The following TRMT13 variants were observed in gnomAD, a reference collection of about 807,000 sequenced individuals.
TRMT13 encodes the protein tRNA methyltransferase 13.
Under a neutral mutation model 55.9 loss-of-function variants are expected in TRMT13, and 45 were observed. The ratio of observed to expected loss-of-function variants is 0.80; its 90% CI spans 0.63 to 1.03. The LOEUF (loss-of-function observed/expected upper bound fraction) is 1.03, where lower values mean the gene tolerates loss of function less well. TRMT13 is among the 50% of genes least tolerant of loss of function. TRMT13 has a pLI of 0.00. For missense variants in TRMT13, 513 were observed against 563.9 expected (o/e 0.91, Z 0.91); for synonymous variants, 183 against 196.3 (o/e 0.93, Z 0.57).
rs760089360 is a variant in TRMT13 at position 100,140,402 on chromosome 1, G to T, written c.395-6G>T. ...GCTTAAGCTGTTGTGCTTATATTTGGCACAGGCTTGAATTCTACACTTAAA... is the reference window on the plus strand; with the variant it reads ...GCTTAAGCTGTTGTGCTTATATTTGTCACAGGCTTGAATTCTACACTTAAA... On this transcript the variant is annotated splice_polypyrimidine_tract_variant and splice_region_variant and intron_variant, in intron 5 of 10. Coordinates refer to ENST00000370141, the MANE Select transcript of TRMT13 (RefSeq NM_019083.3). 3 of 1,610,402 alleles carry T rather than the reference G, an allele frequency of 1.9e-6. No homozygotes were observed. The highest frequency in any genetic ancestry group is 3.3e-5 in the Admixed American group (2 of 59,812).
At position 100,148,212 on chromosome 1, in the gene TRMT13, CT is replaced by C. The variant is rs1192245998; in HGVS notation, c.1139del (p.Leu380TrpfsTer48). On this transcript the variant is annotated frameshift_variant, in exon 10 of 11. Transcript: ENST00000370141. LOFTEE classifies it high-confidence loss of function. ...GCAACTTGTGGGATGCGGAAAACAT[CT>C]TTGGAAACCTCAAATAGTACCACAA... ...SWATCGMRKT[S>X]LETSNSTTKR... is the part of the protein sequence containing the mutation. 2 of 1,613,994 alleles carry C rather than the reference CT, an allele frequency of 1.2e-6. No homozygotes were observed. Among genetic ancestry groups the C allele is most frequent in the African/African-American group, 1.3e-5 (1 of 74,890 alleles).
At chr1:100,147,317 G>A (rs532106950) in intron 9 of TRMT13, among the ~76,000 whole-genome samples, 6 of 152,320 alleles carry the variant, frequency 3.9e-5, no homozygotes, top group Non-Finnish European at 7.4e-5. Context: ...TTCAGTAAAT[G>A]TTTGTTAAAT....
In TRMT13 at chr1:100,149,998, G is replaced by C. The variant is rs1176309021; in HGVS notation, c.*1178G>C. On this transcript the variant is annotated 3_prime_UTR_variant, in exon 11 of 11. Coordinates refer to ENST00000370141, the MANE Select transcript of TRMT13 (RefSeq NM_019083.3). ...TCATATATCTTGTCAGACTGTCTCGGTTCAAATTCCAAACCTACCATCTTC... is the reference window on the plus strand; with the variant it reads ...TCATATATCTTGTCAGACTGTCTCGCTTCAAATTCCAAACCTACCATCTTC... 1 of 152,170 alleles carries C rather than the reference G, an allele frequency of 6.6e-6. No individual in the cohort carries two copies. The highest frequency in any genetic ancestry group is 6.5e-5 in the Admixed American group (1 of 15,272). The allele number at this position is 152,170 out of a possible 1,614,324, so 9.4% of individuals were successfully genotyped here. A position where few individuals can be genotyped will look rare whatever the true frequency, so the allele number is the denominator to read the frequency against.
intron 3 of TRMT13, 99 bp from the exon 4 acceptor site, chr1:100,139,550 G>T (rs1342829115): frequency 1.5e-6 from 1 of 679,798 alleles, no homozygotes. Context: ...GAGGATGGCA[G>T]GTACAGAGCA....
Position 100,149,665 on chromosome 1 carries a change from A to T in TRMT13, c.*845A>T. 2.9e-6 allele frequency: 1 copy of T among 348,978 alleles called. No homozygotes were observed. 21.6% of individuals were successfully genotyped at this position (348,978 alleles called of 1,614,324 possible). A position where few individuals can be genotyped will look rare whatever the true frequency, so the allele number is the denominator to read the frequency against. The stretch of plus-strand genomic sequence containing the variant: ...TAATTTGGAATAAAATAGAAATTAG[A>T]TAATGAAACCAAAAACCTTCTCAAA... On this transcript the variant is annotated 3_prime_UTR_variant, in exon 11 of 11. Transcript: ENST00000370141.
intron 9 of TRMT13, among the ~76,000 whole-genome samples, chr1:100,145,637 A>G (rs1359119873): frequency 6.6e-6 from 1 of 152,138 alleles, no homozygotes; most frequent in African/African-American, 2.4e-5. Context: ...GAAACCCAAC[A>G]CTGGAGGCTG....
In TRMT13 at chr1:100,134,840, C is replaced by T. The variant is rs114668126; in HGVS notation, c.147+1525C>T. Among the ~76,000 whole-genome samples the T allele has an allele frequency of 6.0e-3, 909 of 152,220 alleles. 8 individuals are homozygous for T. The highest frequency in any genetic ancestry group is 0.02 in the African/African-American group (824 of 41,512). On this transcript the variant is annotated intron_variant, in intron 1 of 10. Transcript: ENST00000370141. ...TGTCATTAGACACTTGAAGAGAGAC[C>T]GCAAAACATCAAGTGGAAACACTTT... is the stretch of plus-strand genomic sequence containing the variant.
chr1:100,139,146 G>A (rs1656279895), intron 3 of TRMT13, among the ~76,000 whole-genome samples: 1 of 152,144 alleles, frequency 6.6e-6, no homozygotes, highest in Non-Finnish European at 1.5e-5. Context: ...ATATTTTCAA[G>A]TTTTAATTAA....
rs1657635622 is a variant in TRMT13, at chr1:100,148,812, A to G, written c.1438A>G (p.Thr480Ala). The G allele has an allele frequency of 1.3e-6, 2 of 1,492,876 alleles. No homozygotes were observed. Among genetic ancestry groups the G allele is most frequent in the Non-Finnish European group, 1.8e-6 (2 of 1,123,480 alleles). 92.5% of individuals were successfully genotyped at this position (1,492,876 alleles called of 1,614,324 possible). A position where few individuals can be genotyped will look rare whatever the true frequency, so the allele number is the denominator to read the frequency against. ...AAATCATTCTTCATCACCAGAAACA[A>G]CTGCTTAATGGAAAAGAAATTTGAG... is the stretch of plus-strand genomic sequence containing the variant. ...LPNHSSSPET[T>A]A is the part of the protein sequence containing the mutation. The change falls in exon 11 of 11, where the codon ACT becomes GCT. Residue 480 changes from threonine (T) to alanine (A), a missense_variant. Coordinates refer to ENST00000370141, the MANE Select transcript of TRMT13 (RefSeq NM_019083.3).
rs759278928 is a variant in TRMT13, at chr1:100,133,282, A to G, written c.114A>G (p.Lys38=). 30 of 1,613,858 alleles carry G rather than the reference A, an allele frequency of 1.9e-5. No homozygotes were observed. The highest frequency in any genetic ancestry group is 2.2e-5 in the Non-Finnish European group (26 of 1,179,942). Reference sequence around the variant, plus strand: ...GCAGGATGGTGGTGGCCGCAGGGAAAAGATTTTGTGGTGAACACGCTGGAG... The same window carrying G: ...GCAGGATGGTGGTGGCCGCAGGGAAGAGATTTTGTGGTGAACACGCTGGAG... ...RFCRMVVAAG[K]RFCGEHAGAA... is the part of the protein sequence containing the mutation. Residue 38 remains lysine, a synonymous_variant, in exon 1 of 11, where the codon AAA becomes AAG. Transcript: ENST00000370141.
chr1:100,147,633 A>C (rs144150256), intron 9 of TRMT13, among the ~76,000 whole-genome samples: 1 of 152,224 alleles, frequency 6.6e-6, no homozygotes, highest in African/African-American at 2.4e-5. Flanking sequence ...AAGTTCTTCA[A>C]ATTGTAGATC....
intron 10 of TRMT13, 67 bp downstream of exon 10, chr1:100,148,393 G>A: frequency 7.1e-7 from 1 of 1,416,118 alleles, no homozygotes; most frequent in Non-Finnish European, 9.6e-7. Context: ...TACTTTAGAT[G>A]ACTATTATCA....
intron 8 of TRMT13, 68 bp from the exon 9 acceptor site, chr1:100,144,001 T>G: frequency 7.4e-7 from 1 of 1,359,404 alleles, no homozygotes; most frequent in East Asian, 2.4e-5. Context: ...AATTAGTTCT[T>G]TCTTTTGGAA....
Position 100,148,093 on chromosome 1 carries a change from G to A in TRMT13, c.1017G>A (p.Arg339=). ...GIVIALCCHH[R]CDWRHYVGKE... is the part of the protein sequence containing the mutation. ...TTATTGCACTCTGTTGTCACCACAG[G>A]TGTGATTGGAGACATTATGTGGGCA... The change falls in exon 10 of 11, where the codon AGG becomes AGA. Residue 339 remains arginine, a synonymous_variant. Transcript: ENST00000370141. The A allele has an allele frequency of 6.2e-7, 1 of 1,614,234 alleles. No homozygotes were observed. Among genetic ancestry groups the A allele is most frequent in the Non-Finnish European group, 8.5e-7 (1 of 1,180,040 alleles).
rs1220770383 is a variant in TRMT13 at position 100,149,006 on chromosome 1, A to G, written c.*186A>G. On this transcript the variant is annotated 3_prime_UTR_variant, in exon 11 of 11. Coordinates refer to ENST00000370141, the MANE Select transcript of TRMT13 (RefSeq NM_019083.3). ...AAATCCAAACATTAGAGAATTCACCAAAGTAATCCTCTTTAGAAGGGCATC... is the reference window on the plus strand; with the variant it reads ...AAATCCAAACATTAGAGAATTCACCGAAGTAATCCTCTTTAGAAGGGCATC... 1.3e-6 allele frequency: 2 copies of G among 1,491,122 alleles called. No individual in the cohort carries two copies. Among genetic ancestry groups the G allele is most frequent in the Admixed American group, 4.7e-5 (2 of 42,536 alleles). The allele number at this position is 1,491,122 out of a possible 1,614,324, so 92.4% of individuals were successfully genotyped here.
chr1:100,136,862 T>C lies in TRMT13; in HGVS notation c.148-20T>C, dbSNP rs1253559665. The C allele has an allele frequency of 1.9e-6, 3 of 1,563,884 alleles. No individual in the cohort carries two copies. The highest frequency in any genetic ancestry group is 4.5e-5 in the East Asian group (2 of 44,304). On this transcript the variant is annotated intron_variant, in intron 1 of 10. Transcript: ENST00000370141. Reference sequence around the variant, plus strand: ...AAACTTGATATTTTATTTAAATAAATGTATCTCTTAATTTATTAGGAAGAA... The same window carrying C: ...AAACTTGATATTTTATTTAAATAAACGTATCTCTTAATTTATTAGGAAGAA...
chr1:100,140,230 A>G lies in TRMT13; in HGVS notation c.373A>G (p.Lys125Glu). ...AGAGCAGTTGGAAAAGTTAATTAAG[A>G]AATTGAGAAAAGCAAGTGAAGGTAA... ...SEEQLEKLIK[K>E]LRKASEGLNS... The change falls in exon 5 of 11, where the codon AAA (lysine) becomes GAA (glutamate). Residue 125 changes from lysine to glutamate, a missense_variant. Lys to Glu is a moderately conservative substitution (Grantham distance 56). Around this residue, in one of 3 missense-constraint regions of TRMT13, gnomAD observed 298 missense variants for 290.3 expected, o/e 1.03. Coordinates refer to ENST00000370141, the MANE Select transcript of TRMT13 (RefSeq NM_019083.3). 2.5e-6 allele frequency: 4 copies of G among 1,612,970 alleles called. No individual in the cohort carries two copies. The highest frequency in any genetic ancestry group is 3.4e-6 in the Non-Finnish European group (4 of 1,179,556).
rs766256036 is a variant in TRMT13, at chr1:100,148,994, A to T, written c.*174A>T. The T allele has an allele frequency of 3.4e-6, 5 of 1,460,002 alleles. No individual in the cohort carries two copies. In the Admixed American group the frequency reaches 1.2e-4, roughly 36 times the overall value. The allele number at this position is 1,460,002 out of a possible 1,614,324, so 90.4% of individuals were successfully genotyped here. A position where few individuals can be genotyped will look rare whatever the true frequency, so the allele number is the denominator to read the frequency against. On this transcript the variant is annotated 3_prime_UTR_variant, in exon 11 of 11. Transcript: ENST00000370141. ...TTTTTACTTCAGAAATCCAAACATT[A>T]GAGAATTCACCAAAGTAATCCTCTT...
At position 100,140,434 on chromosome 1, in the gene TRMT13, A is replaced by G. The variant is rs549989267; in HGVS notation, c.421A>G (p.Ile141Val). The part of the protein sequence containing the change: ...EGLNSTLKDH[I>V]MSHPALHDAL... ...CTTGAATTCTACACTTAAAGATCAT[A>G]TTATGTCCCATCCAGCATTACACGA... The change falls in exon 6 of 11, where the codon ATT becomes GTT. Residue 141 changes from isoleucine (I) to valine (V), a missense_variant. Physicochemically the swap from Ile to Val is conservative, Grantham distance 29. This residue lies in a region of TRMT13 where 298 missense variants were observed against 290.3 expected (regional missense o/e 1.03). Transcript: ENST00000370141. 22 of 1,613,878 alleles carry G rather than the reference A, an allele frequency of 1.4e-5. No homozygotes were observed. In the South Asian group the frequency reaches 2.0e-4, roughly 15 times the overall value.
Sources: allele counts gnomAD v4.1 joint callset (sites outside exome capture counted in the v4.1 genomes callset), GRCh38; gene constraint gnomAD v4.1.1; regional missense constraint gnomAD v4.1.1; transcripts MANE v1.5; gene names NCBI Gene and HGNC (gene_info 2026-07-23, HGNC 2026-07-21).